Variants in METTL24 observed in about 807,000 individuals in gnomAD.
METTL24 encodes the protein probable methyltransferase-like protein 24.
METTL24 carries 29 observed loss-of-function variants against 32.7 expected under a neutral mutation model. The observed-to-expected ratio is 0.89, with a 90% CI of 0.66 to 1.21. The LOEUF (loss-of-function observed/expected upper bound fraction) is 1.21, where lower values mean the gene tolerates loss of function less well. METTL24 is among the 50% of genes most tolerant of loss of function. The pLI is 0.00. For missense variants in METTL24, 439 were observed against 468.1 expected, an observed-to-expected ratio of 0.94 and a Z score of 0.57; for synonymous variants, 163 against 179.5, an observed-to-expected ratio of 0.91 and a Z score of 0.73.
intron 4 of METTL24, among the ~76,000 whole-genome samples, chr6:110,284,659 T>A (rs1472889513): frequency 6.6e-6 from 1 of 152,176 alleles, no homozygotes; most frequent in Non-Finnish European, 1.5e-5. Context: ...ATATTTATCA[T>A]GTAGAATTAC....
At chr6:110,308,128 C>G (rs1771656910) in intron 3 of METTL24, among the ~76,000 whole-genome samples, 1 of 152,166 alleles carries the variant, frequency 6.6e-6, no homozygotes, top group African/African-American at 2.4e-5. Context: ...CACTGAACAA[C>G]TCTGGGAGAT....
At chr6:110,313,270 T>C (rs1771758352) in intron 3 of METTL24, among the ~76,000 whole-genome samples, 1 of 152,206 alleles carries the variant, frequency 6.6e-6, no homozygotes. Context: ...ATGCTGGAGG[T>C]GACGGATACT....
intron 4 of METTL24, among the ~76,000 whole-genome samples, chr6:110,273,014 G>T (rs1770984673): frequency 6.6e-6 from 1 of 151,970 alleles, no homozygotes; most frequent in Non-Finnish European, 1.5e-5. Flanking sequence ...TCTGCTTGGG[G>T]GTTCTTAGTC....
chr6:110,335,134 C>A (rs1314331976), intron 1 of METTL24, among the ~76,000 whole-genome samples: 1 of 152,198 alleles, frequency 6.6e-6, no homozygotes, highest in Non-Finnish European at 1.5e-5. Flanking sequence ...TACGAAGTGG[C>A]CTTTTTCAGG....
intron 4 of METTL24, among the ~76,000 whole-genome samples, chr6:110,248,985 GT>G (rs1778223715): frequency 6.6e-6 from 1 of 151,866 alleles, no homozygotes; most frequent in Non-Finnish European, 1.5e-5. Flanking sequence ...ACCAGCATTT[GT>G]TCTATCAATT....
rs76309566 is a variant in METTL24, at chr6:110,295,009, C to T, written c.786+3913G>A. 7.6e-3 allele frequency among the ~76,000 whole-genome samples: 729 copies of T among 95,386 alleles called. 10 individuals carry two copies. Among genetic ancestry groups the T allele is most frequent in the African/African-American group, 0.029 (662 of 22,450 alleles). The allele number at this position is 95,386 out of a possible 152,430, so 62.6% of individuals were successfully genotyped here. ...TTTAATTGCTTTTCTTTTTTTCTTT[C>T]TTTCTTTTTTTTTTTTTTTTTTTTT... is the stretch of plus-strand genomic sequence containing the variant. On this transcript the variant is annotated intron_variant, in intron 4 of 4. Transcript: ENST00000338882.
At chr6:110,261,707 T>C (rs1001301910) in intron 4 of METTL24, among the ~76,000 whole-genome samples, 1 of 152,104 alleles carries the variant, frequency 6.6e-6, no homozygotes, top group Non-Finnish European at 1.5e-5. Context: ...ACTGACCACA[T>C]AGTTGGAAGT....
At chr6:110,286,544 C>T (rs955439975) in intron 4 of METTL24, among the ~76,000 whole-genome samples, 4 of 152,156 alleles carry the variant, frequency 2.6e-5, no homozygotes, top group Admixed American at 6.5e-5. Flanking sequence ...CGCACACAGT[C>T]GTACAGCTGG....
At chr6:110,311,766 A>G (rs55679551) in intron 3 of METTL24, among the ~76,000 whole-genome samples, 25,872 of 152,022 alleles carry the variant, frequency 0.17, 3,135 homozygotes, top group African/African-American at 0.33. Flanking sequence ...GGGCTTGAGC[A>G]GTGGGCATGA....
chr6:110,344,188 T>TG (rs1772421917), intron 1 of METTL24, among the ~76,000 whole-genome samples: 2 of 152,218 alleles, frequency 1.3e-5, no homozygotes, highest in African/African-American at 4.8e-5. Context: ...AATGGACTCA[T>TG]GACCTTCGAG....
intron 4 of METTL24, among the ~76,000 whole-genome samples, chr6:110,273,991 C>T (rs777387344): frequency 5.9e-5 from 9 of 152,160 alleles, no homozygotes; most frequent in South Asian, 2.1e-4. Flanking sequence ...CATCGACCAA[C>T]GAGTGGATAA....
At chr6:110,351,388 T>C (rs896673557) in intron 1 of METTL24, among the ~76,000 whole-genome samples, 3 of 152,126 alleles carry the variant, frequency 2.0e-5, no homozygotes, top group Non-Finnish European at 4.4e-5. Context: ...TAAGACTACA[T>C]GTAGATAGAG....
intron 4 of METTL24, among the ~76,000 whole-genome samples, chr6:110,298,028 G>A (rs1554213905): frequency 6.6e-6 from 1 of 152,054 alleles, no homozygotes; most frequent in Non-Finnish European, 1.5e-5. Context: ...GGAGGAGGAG[G>A]AGGAACGGCA....
chr6:110,273,078 T>C (rs1770985586), intron 4 of METTL24, among the ~76,000 whole-genome samples: 1 of 152,280 alleles, frequency 6.6e-6, no homozygotes, highest in African/African-American at 2.4e-5. Flanking sequence ...TATTATCCTC[T>C]AGAATTTTTA....
chr6:110,304,432 G>A (rs1210466641), intron 3 of METTL24, among the ~76,000 whole-genome samples: 4 of 152,160 alleles, frequency 2.6e-5, no homozygotes, highest in Non-Finnish European at 4.4e-5. Context: ...TAAAAGGTTA[G>A]AAGAATTGCT....
At chr6:110,310,246 A>C (rs887554800) in intron 3 of METTL24, among the ~76,000 whole-genome samples, 1 of 152,206 alleles carries the variant, frequency 6.6e-6, no homozygotes, top group African/African-American at 2.4e-5. Context: ...GTCTTGAAAC[A>C]AAAGGCACAA....
chr6:110,277,705 A>G (rs1320066309), intron 4 of METTL24, among the ~76,000 whole-genome samples: 1 of 152,176 alleles, frequency 6.6e-6, no homozygotes, highest in Non-Finnish European at 1.5e-5. Flanking sequence ...CTACTTGGAT[A>G]TAAGATTTTT....
chr6:110,299,201 G>A, intron 3 of METTL24, 51 bp from the exon 4 acceptor site: 1 of 1,522,510 alleles, frequency 6.6e-7, no homozygotes, highest in Non-Finnish European at 9.0e-7. Context: ...ATGAAGCAAA[G>A]TGTTGGACTA....
intron 1 of METTL24, among the ~76,000 whole-genome samples, chr6:110,357,184 A>G (rs573726904): frequency 1.3e-5 from 2 of 152,166 alleles, no homozygotes; most frequent in Non-Finnish European, 2.9e-5. Context: ...TCCATGTACG[A>G]CGCAAATTAC....
Sources: gnomAD v4.1 joint callset for allele counts (sites outside exome capture counted in the v4.1 genomes callset) on GRCh38, gnomAD v4.1.1 for gene constraint, MANE v1.5 for transcripts, NCBI Gene and HGNC (gene_info 2026-07-23, HGNC 2026-07-21) for gene names.